The following GALNT15 variants were observed in gnomAD, a reference collection of about 807,000 sequenced individuals.
The protein encoded by GALNT15 is UDP-GalNAc transferase T15.
A neutral mutation model predicts 66.8 loss-of-function variants in GALNT15; 67 were observed. That is an observed-to-expected ratio of 1.00 (90% confidence interval 0.82 to 1.23). The LOEUF (loss-of-function observed/expected upper bound fraction) is 1.23, where lower values mean the gene tolerates loss of function less well. GALNT15 is among the 50% of genes most tolerant of loss of function. GALNT15 has a pLI of 0.00. For missense variants in GALNT15, 827 were observed against 804.3 expected, an observed-to-expected ratio of 1.03 and a Z score of -0.34; for synonymous variants, 313 against 311.5, an observed-to-expected ratio of 1.00 and a Z score of -0.05.
intron 1 of GALNT15, among the ~76,000 whole-genome samples, chr3:16,178,814 C>A (rs2063440428): frequency 6.6e-6 from 1 of 152,228 alleles, no homozygotes; most frequent in African/African-American, 2.4e-5. Flanking sequence ...CCAGGACCAG[C>A]AGAGCGCTAG....
At chr3:16,190,727 T>G (rs2063567959) in intron 1 of GALNT15, among the ~76,000 whole-genome samples, 1 of 151,968 alleles carries the variant, frequency 6.6e-6, no homozygotes, top group Non-Finnish European at 1.5e-5. Context: ...TTTGTCAAAT[T>G]TGGGTTATAA....
intron 5 of GALNT15, among the ~76,000 whole-genome samples, chr3:16,212,197 G>A (rs1335349606): frequency 6.6e-6 from 1 of 151,988 alleles, no homozygotes; most frequent in Non-Finnish European, 1.5e-5. Context: ...AGATATTCCC[G>A]GACCACTGAG....
chr3:16,235,840 C>T (rs925005207), downstream of GALNT15, among the ~76,000 whole-genome samples: 3 of 152,026 alleles, frequency 2.0e-5, no homozygotes, highest in African/African-American at 7.2e-5. Flanking sequence ...TGTGGTGGCT[C>T]ATGCCTGTAA....
intron 9 of GALNT15, among the ~76,000 whole-genome samples, chr3:16,226,828 A>G (rs1280622500): frequency 2.6e-5 from 4 of 152,224 alleles, no homozygotes; most frequent in African/African-American, 9.6e-5. Context: ...CTTGAAAAGG[A>G]GAAGATTGGA....
In GALNT15 at chr3:16,227,562, AAG is replaced by A; in HGVS notation, c.*65_*66del. 1 of 1,613,246 alleles carries A rather than the reference AAG, an allele frequency of 6.2e-7. No homozygotes were observed. Among genetic ancestry groups the A allele is most frequent in the South Asian group, 1.1e-5 (1 of 90,984 alleles). On this transcript the variant is annotated 3_prime_UTR_variant, in exon 10 of 10. Coordinates refer to ENST00000339732, the MANE Select transcript of GALNT15 (RefSeq NM_054110.5). The surrounding 1 kb of genome is among the most constrained non-coding windows in gnomAD (Gnocchi z 4.5). ...CAAAATCCAGCTCCAAGTGAACTTA[AAG>A]AGCTTATATATTTCATGAAGCTGAT...
rs545596217 is a variant in GALNT15 at position 16,186,084 on chromosome 3, C to T, written c.540-9676C>T. Among the ~76,000 whole-genome samples, 1 of 152,000 alleles carries T rather than the reference C, an allele frequency of 6.6e-6. No homozygotes were observed. Among genetic ancestry groups the T allele is most frequent in the African/African-American group, 2.4e-5 (1 of 41,366 alleles). On this transcript the variant is annotated intron_variant, in intron 1 of 9. Transcript: ENST00000339732. This position sits in a 1 kb window ranked among gnomAD's most constrained non-coding sequence, Gnocchi z 5.1. ...TTTGTATCCAAAATACAAAAAGAAC[C>T]CTTACAACCCAACAATTAAACAACA...
At chr3:16,243,039 G>A in the GALNT15 span, among the ~76,000 whole-genome samples, 1 of 152,162 alleles carries the variant, frequency 6.6e-6, no homozygotes, top group East Asian at 1.9e-4. Context: ...CACAGAACAT[G>A]TTCCAGAACT....
At position 16,222,665 on chromosome 3, in the gene GALNT15, C is replaced by A. The variant is rs889095416; in HGVS notation, c.1680C>A (p.His560Gln). The change falls in exon 9 of 10, where the codon CAC becomes CAA. Residue 560 changes from histidine (H) to glutamine (Q), a missense_variant. By Grantham distance (24) the His-to-Gln change is conservative. Coordinates refer to ENST00000339732, the MANE Select transcript of GALNT15 (RefSeq NM_054110.5). ...RKEIHFGSPQ[H>Q]LCFAVRQEQV... ...AGATTCACTTTGGCAGCCCACAGCACCTGTGCTTTGCTGTCAGGCAGGAGC... is the reference window on the plus strand; with the variant it reads ...AGATTCACTTTGGCAGCCCACAGCAACTGTGCTTTGCTGTCAGGCAGGAGC... 6.2e-7 allele frequency: 1 copy of A among 1,614,206 alleles called. No individual in the cohort carries two copies. The highest frequency in any genetic ancestry group is 8.5e-7 in the Non-Finnish European group (1 of 1,180,028).
rs1361840192 is a variant in GALNT15, at chr3:16,224,145, A to T, written c.1773+1387A>T. ...AATGAGTAAAAGATTAGGGAGTAAG[A>T]TACACCCAGCATATTTCAGGCATTA... On this transcript the variant is annotated intron_variant, in intron 9 of 9. Coordinates refer to ENST00000339732, the MANE Select transcript of GALNT15 (RefSeq NM_054110.5). The surrounding 1 kb of genome is among the most constrained non-coding windows in gnomAD (Gnocchi z 5.2). Among the ~76,000 whole-genome samples the T allele has an allele frequency of 6.6e-6, 1 of 152,256 alleles. No individual in the cohort carries two copies. Among genetic ancestry groups the T allele is most frequent in the East Asian group, 1.9e-4 (1 of 5,200 alleles).
At position 16,182,288 on chromosome 3, in the gene GALNT15, G is replaced by A. The variant is rs2063479352; in HGVS notation, c.539+6598G>A. Among the ~76,000 whole-genome samples the A allele has an allele frequency of 6.6e-6, 1 of 152,102 alleles. No homozygotes were observed. The highest frequency in any genetic ancestry group is 2.4e-5 in the African/African-American group (1 of 41,406). On this transcript the variant is annotated intron_variant, in intron 1 of 9. Transcript: ENST00000339732. The surrounding 1 kb of genome is among the most constrained non-coding windows in gnomAD (Gnocchi z 6.1). ...GTTTGAGAGCCATTATGAGGCCAGT[G>A]GTTCACAGCCCCCACTCACATTAGA...
chr3:16,222,993 T>G (rs1172285348), intron 9 of GALNT15, among the ~76,000 whole-genome samples: 1 of 152,228 alleles, frequency 6.6e-6, no homozygotes, highest in Admixed American at 6.5e-5. Context: ...GTAGCTCTGA[T>G]GCTTGTCATT....
chr3:16,226,268 T>G (rs1404373393), intron 9 of GALNT15, among the ~76,000 whole-genome samples: 3 of 151,722 alleles, frequency 2.0e-5, no homozygotes, highest in Admixed American at 6.6e-5. Flanking sequence ...TAGGTAGGAG[T>G]GAAGGTTGCA....
At chr3:16,232,475 T>TATATAC (rs2064093027), downstream of GALNT15, among the ~76,000 whole-genome samples, 1 of 52,078 alleles carries the variant, frequency 1.9e-5, no homozygotes, top group Non-Finnish European at 3.6e-5. Context: ...AATAAATATA[T>TATATAC]ATATATATAT....
chr3:16,243,732 C>T, the GALNT15 span, among the ~76,000 whole-genome samples: 1 of 152,154 alleles, frequency 6.6e-6, no homozygotes, highest in African/African-American at 2.4e-5. Context: ...TATAAACGGG[C>T]ATCCTAATAA....
At chr3:16,222,180 C>A (rs565003723) in intron 8 of GALNT15, among the ~76,000 whole-genome samples, 1 of 152,166 alleles carries the variant, frequency 6.6e-6, no homozygotes, top group Non-Finnish European at 1.5e-5. Context: ...CTAGAGGAAA[C>A]AATAACCATG....
intron 2 of GALNT15, 163 bp downstream of exon 2, chr3:16,196,089 A>C: frequency 1.5e-6 from 1 of 673,444 alleles, no homozygotes; most frequent in Non-Finnish European, 2.5e-6. Flanking sequence ...ATGAAGAGCC[A>C]CTGGGGAAAC....
intron 3 of GALNT15, among the ~76,000 whole-genome samples, chr3:16,201,269 C>T (rs1311077378): frequency 6.6e-6 from 1 of 152,068 alleles, no homozygotes; most frequent in Non-Finnish European, 1.5e-5. Context: ...GCAAGCTGCG[C>T]CTCCCGGGTT....
rs1353227084 is a variant in GALNT15, at chr3:16,184,247, G to C, written c.539+8557G>C. The stretch of plus-strand genomic sequence containing the variant: ...ATTCACCGGATATTTCGTTGAAGCA[G>C]AGAAGTTAGCCTCATTATTTAACAA... On this transcript the variant is annotated intron_variant, in intron 1 of 9. Coordinates refer to ENST00000339732, the MANE Select transcript of GALNT15 (RefSeq NM_054110.5). The surrounding 1 kb of genome is among the most constrained non-coding windows in gnomAD (Gnocchi z 5.0). Among the ~76,000 whole-genome samples the C allele has an allele frequency of 6.6e-6, 1 of 152,230 alleles. No homozygotes were observed. Among genetic ancestry groups the C allele is most frequent in the African/African-American group, 2.4e-5 (1 of 41,462 alleles).
intron 5 of GALNT15, 98 bp from the exon 6 acceptor site, chr3:16,212,471 C>T: frequency 9.1e-7 from 1 of 1,095,584 alleles, no homozygotes; most frequent in Non-Finnish European, 1.3e-6. Flanking sequence ...CTCACGATTT[C>T]CTGTGCATTT....
Sources: gnomAD v4.1 joint callset for allele counts (sites outside exome capture counted in the v4.1 genomes callset) on GRCh38, gnomAD v4.1.1 for gene constraint, Gnocchi (gnomAD v3.1) non-coding constraint, MANE v1.5 for transcripts, NCBI Gene and HGNC (gene_info 2026-07-23, HGNC 2026-07-21) for gene names.